KHDRBS2: variants seen among roughly 807,000 people sequenced by gnomAD.
KHDRBS2 encodes KH RNA binding domain containing, signal transduction associated 2, also known as KH domain-containing, RNA-binding, signal transduction-associated protein 2.
A neutral mutation model predicts 44.3 loss-of-function variants in KHDRBS2; 26 were observed. The ratio of observed to expected loss-of-function variants is 0.59; its 90% CI spans 0.43 to 0.81. KHDRBS2 has a LOEUF of 0.81. KHDRBS2 is among the 40% of genes least tolerant of loss of function. The probability of loss-of-function intolerance (pLI) is 0.00; values close to 1 mark genes in which losing one functional copy is unlikely to be tolerated. For synonymous variants in KHDRBS2, 194 were observed against 151.1 expected, an observed-to-expected ratio of 1.28 and a Z score of -2.08; for missense variants, 476 against 433.1, an observed-to-expected ratio of 1.10 and a Z score of -0.88.
chr6:61,871,263 T>G (rs1364042575), intron 6 of KHDRBS2, among the ~76,000 whole-genome samples: 1 of 152,128 alleles, frequency 6.6e-6, no homozygotes, highest in Admixed American at 6.5e-5. Flanking sequence ...TATCAGAGAT[T>G]GAAGATCAAC....
chr6:61,928,162 G>C (rs1452526872), intron 4 of KHDRBS2, among the ~76,000 whole-genome samples: 3 of 152,052 alleles, frequency 2.0e-5, no homozygotes, highest in Non-Finnish European at 4.4e-5. Context: ...GTTTCCTACA[G>C]AAAACAATGT....
intron 2 of KHDRBS2, among the ~76,000 whole-genome samples, chr6:62,167,518 A>G (rs1460349035): frequency 6.6e-6 from 1 of 152,152 alleles, no homozygotes; most frequent in Non-Finnish European, 1.5e-5. Flanking sequence ...ATGCCATTCT[A>G]TTGGAGAGAA....
At chr6:62,224,031 G>A (rs1156596985) in intron 1 of KHDRBS2, among the ~76,000 whole-genome samples, 2 of 152,020 alleles carry the variant, frequency 1.3e-5, no homozygotes, top group Non-Finnish European at 2.9e-5. Context: ...CTCCTCATTC[G>A]CAGTACCAAT....
chr6:62,027,909 T>C (rs1783661692), intron 3 of KHDRBS2, among the ~76,000 whole-genome samples: 1 of 152,084 alleles, frequency 6.6e-6, no homozygotes, highest in South Asian at 2.1e-4. Context: ...ATTGTTTTCC[T>C]GAGTTCTGTG....
intron 2 of KHDRBS2, among the ~76,000 whole-genome samples, chr6:62,078,987 G>T (rs1350914910): frequency 1.3e-5 from 2 of 151,950 alleles, no homozygotes; most frequent in Admixed American, 6.6e-5. Context: ...AAGGCAAACT[G>T]CATTCCTTCC....
chr6:61,800,369 T>G lies in KHDRBS2; in HGVS notation c.811-67605A>C, dbSNP rs1218115527. Among the ~76,000 whole-genome samples, 3 of 152,058 alleles carry G rather than the reference T, an allele frequency of 2.0e-5. No homozygotes were observed. The South Asian group carries it at 6.2e-4, about 32-fold the overall frequency. On this transcript the variant is annotated intron_variant, in intron 6 of 8. Transcript: ENST00000281156. ...CCTGTCATCATTAATATGAGGAGCT[T>G]TAGTGAGGTGATCATAAATGCTCCT... is the stretch of plus-strand genomic sequence containing the variant.
intron 2 of KHDRBS2, among the ~76,000 whole-genome samples, chr6:62,108,648 G>A (rs1355489400): frequency 2.0e-5 from 3 of 152,130 alleles, no homozygotes; most frequent in African/African-American, 4.8e-5. Flanking sequence ...ACATGCACAC[G>A]TATGTTCATT....
the KHDRBS2 span, among the ~76,000 whole-genome samples, chr6:61,597,760 A>AGGTG: frequency 4.6e-5 from 1 of 21,976 alleles, no homozygotes. Flanking sequence ...ATATATATAC[A>AGGTG]TATATATATA....
intron 1 of KHDRBS2, among the ~76,000 whole-genome samples, chr6:62,282,325 G>A (rs1432848498): frequency 2.6e-5 from 4 of 152,054 alleles, no homozygotes; most frequent in Non-Finnish European, 5.9e-5. Context: ...TGAAAATAGC[G>A]CCTACAGTTT....
chr6:61,665,638 A>C, the KHDRBS2 span, among the ~76,000 whole-genome samples: 1 of 151,406 alleles, frequency 6.6e-6, no homozygotes, highest in African/African-American at 2.4e-5. Context: ...TCTGAAATAC[A>C]ATCTTATTCA....
chr6:62,078,101 C>T (rs1438182266), intron 2 of KHDRBS2, among the ~76,000 whole-genome samples: 5 of 152,004 alleles, frequency 3.3e-5, no homozygotes, highest in African/African-American at 9.7e-5. Flanking sequence ...TGCATAACAC[C>T]TTGCTTGTAA....
chr6:61,799,224 A>G (rs1785863914), intron 6 of KHDRBS2, among the ~76,000 whole-genome samples: 1 of 152,094 alleles, frequency 6.6e-6, no homozygotes. Context: ...GTAGGCAGAG[A>G]TATAAGCTAC....
intron 1 of KHDRBS2, among the ~76,000 whole-genome samples, chr6:62,251,154 T>G (rs1040043314): frequency 1.3e-5 from 2 of 151,922 alleles, no homozygotes; most frequent in Non-Finnish European, 2.9e-5. Flanking sequence ...TAAGTTATAT[T>G]GAATATCTTG....
At chr6:62,097,312 T>A (rs1460363993) in intron 2 of KHDRBS2, among the ~76,000 whole-genome samples, 1 of 152,034 alleles carries the variant, frequency 6.6e-6, no homozygotes, top group African/African-American at 2.4e-5. Context: ...ATCTGTCCAT[T>A]GCTGAAAGTG....
rs142860353 is a variant in KHDRBS2 at position 61,686,115 on chromosome 6, A to G, written c.953-5055T>C. On this transcript the variant is annotated intron_variant, in intron 8 of 8. Transcript: ENST00000281156. The stretch of plus-strand genomic sequence containing the variant: ...GCAGTCATGATACTCTTATTTTGCT[A>G]TCTTAGATAGCTATTTGTCTGTATA... Among the ~76,000 whole-genome samples, 261 of 151,912 alleles carry G rather than the reference A, an allele frequency of 1.7e-3. 2 individuals carry two copies. The highest frequency in any genetic ancestry group is 5.9e-3 in the African/African-American group (247 of 41,524).
At chr6:61,778,403 C>T (rs545611483) in intron 6 of KHDRBS2, among the ~76,000 whole-genome samples, 7 of 152,122 alleles carry the variant, frequency 4.6e-5, no homozygotes, top group Admixed American at 4.6e-4. Context: ...GCTGAAGAAA[C>T]TTATAGAGGT....
intron 6 of KHDRBS2, among the ~76,000 whole-genome samples, chr6:61,775,999 T>C (rs2127579107): frequency 6.6e-6 from 1 of 152,290 alleles, no homozygotes; most frequent in Non-Finnish European, 1.5e-5. Context: ...TATCTACAAC[T>C]ATCTGATCTT....
intron 6 of KHDRBS2, among the ~76,000 whole-genome samples, chr6:61,881,996 C>A (rs2127318259): frequency 6.6e-6 from 1 of 152,116 alleles, no homozygotes; most frequent in East Asian, 1.9e-4. Flanking sequence ...CAACAAAGGG[C>A]ATCAGCTTTT....
chr6:61,899,385 A>G (rs1473453074), intron 5 of KHDRBS2, among the ~76,000 whole-genome samples: 1 of 151,954 alleles, frequency 6.6e-6, no homozygotes, highest in Non-Finnish European at 1.5e-5. Flanking sequence ...CACTAATGAT[A>G]TCAGTACAGC....
Sources: allele counts gnomAD v4.1 joint callset (sites outside exome capture counted in the v4.1 genomes callset), GRCh38; gene constraint gnomAD v4.1.1; transcripts MANE v1.5; gene names NCBI Gene and HGNC (gene_info 2026-07-23, HGNC 2026-07-21).